The following YPEL2 variants were observed in gnomAD, a reference collection of about 807,000 sequenced individuals.
The protein encoded by YPEL2 is protein yippee-like 2.
A neutral mutation model predicts 19.1 loss-of-function variants in YPEL2; 2 were observed. That is an observed-to-expected ratio of 0.10 (90% CI 0.04 to 0.33). The LOEUF is 0.33. YPEL2 is among the 10% of genes least tolerant of loss of function. The probability of loss-of-function intolerance (pLI) is 1.00; values close to 1 mark genes in which losing one functional copy is unlikely to be tolerated. For synonymous variants in YPEL2, 52 were observed against 50.0 expected, an observed-to-expected ratio of 1.04 and a Z score of -0.17; for missense variants, 66 against 140.7, an observed-to-expected ratio of 0.47 and a Z score of 2.68.
At chr17:59,332,296 G>A (rs1439617500) in intron 1 of YPEL2, among the ~76,000 whole-genome samples, 2 of 152,174 alleles carry the variant, frequency 1.3e-5, no homozygotes, top group African/African-American at 4.8e-5. Context: ...CTTAGGTCCA[G>A]GGGCGCCGCC....
At chr17:59,389,543 C>A (rs937047509) in intron 4 of YPEL2, 75 bp downstream of exon 4, 1 of 1,169,138 alleles carries the variant, frequency 8.6e-7, no homozygotes, top group Non-Finnish European at 1.3e-6. Flanking sequence ...ACACTTTCTT[C>A]TACTCGCTTT....
At chr17:59,374,662 A>G (rs916030523) in intron 2 of YPEL2, among the ~76,000 whole-genome samples, 1 of 152,204 alleles carries the variant, frequency 6.6e-6, no homozygotes. Context: ...ACCTTTTAGT[A>G]TGAAATGAAA....
intron 2 of YPEL2, among the ~76,000 whole-genome samples, chr17:59,379,384 C>T (rs917717136): frequency 1.3e-5 from 2 of 152,186 alleles, no homozygotes; most frequent in Non-Finnish European, 1.5e-5. Flanking sequence ...GGAAAAAGGA[C>T]TGATCTGACC....
At position 59,353,103 on chromosome 17, in the gene YPEL2, C is replaced by T. The variant is rs2047795503; in HGVS notation, c.-195-112C>T. 1 of 232,054 alleles carries T rather than the reference C, an allele frequency of 4.3e-6. No individual in the cohort carries two copies. The highest frequency in any genetic ancestry group is 1.1e-4 in the South Asian group (1 of 9,144). The allele number at this position is 232,054 out of a possible 1,614,324, so 14.4% of individuals were successfully genotyped here. On this transcript the variant is annotated intron_variant, in intron 1 of 4. Transcript: ENST00000312655. This position sits in a 1 kb window ranked among gnomAD's most constrained non-coding sequence, Gnocchi z 4.8. ...TGATACCAGGAACAGAGAAGTGGGT[C>T]ATTTGATCCTGTCAGTGTTGCCTTC...
chr17:59,334,571 A>AC (rs1555568490), intron 1 of YPEL2, among the ~76,000 whole-genome samples: 14 of 145,228 alleles, frequency 9.6e-5, no homozygotes, highest in African/African-American at 2.6e-4. Context: ...TTCAGGCACA[A>AC]ACACACACAC....
At chr17:59,369,864 A>T (rs768217218) in intron 2 of YPEL2, among the ~76,000 whole-genome samples, 3 of 152,198 alleles carry the variant, frequency 2.0e-5, no homozygotes, top group African/African-American at 7.2e-5. Flanking sequence ...AACAATAGCC[A>T]TCATTTTACT....
intron 1 of YPEL2, among the ~76,000 whole-genome samples, chr17:59,349,395 G>C (rs1399019078): frequency 7.9e-6 from 1 of 127,022 alleles, no homozygotes; most frequent in Admixed American, 1.0e-4. Flanking sequence ...ACGGAGTCTC[G>C]CTCTGTCGTC....
At chr17:59,384,091 T>C (rs904865458) in intron 2 of YPEL2, among the ~76,000 whole-genome samples, 3 of 152,240 alleles carry the variant, frequency 2.0e-5, no homozygotes, top group African/African-American at 7.2e-5. Flanking sequence ...TTCCAGTTGC[T>C]ACACATTCAT....
chr17:59,394,964 C>G (rs2048031037), intron 4 of YPEL2, among the ~76,000 whole-genome samples: 1 of 152,248 alleles, frequency 6.6e-6, no homozygotes, highest in African/African-American at 2.4e-5. Flanking sequence ...CGGCACGCGC[C>G]TGCAATCGCA....
In YPEL2 at chr17:59,400,529, A is replaced by G. The variant is rs1457440858; in HGVS notation, c.*3339A>G. ...GTCTCTATCACTTTAATCTGGATCA[A>G]GGCTTTGAAGCAATGCCTCTCTGCA... is the stretch of plus-strand genomic sequence containing the variant. On this transcript the variant is annotated 3_prime_UTR_variant, in exon 5 of 5. Transcript: ENST00000312655. 1 of 152,040 alleles carries G rather than the reference A, an allele frequency of 6.6e-6. No individual in the cohort carries two copies. The highest frequency in any genetic ancestry group is 1.5e-5 in the Non-Finnish European group (1 of 67,974). 9.4% of individuals were successfully genotyped at this position (152,040 alleles called of 1,614,324 possible).
chr17:59,400,312 T>G lies in YPEL2; in HGVS notation c.*3122T>G, dbSNP rs528791656. ...AGTGGATATATATAAAAGAAACAGT[T>G]GCTTGTAAAATATACTTTTGTAAAT... On this transcript the variant is annotated 3_prime_UTR_variant, in exon 5 of 5. Coordinates refer to ENST00000312655, the MANE Select transcript of YPEL2 (RefSeq NM_001005404.4). The G allele has an allele frequency of 8.5e-5, 13 of 152,736 alleles. No individual in the cohort carries two copies. The highest frequency in any genetic ancestry group is 2.6e-4 in the African/African-American group (11 of 41,578). 9.5% of individuals were successfully genotyped at this position (152,736 alleles called of 1,614,324 possible).
At chr17:59,378,832 A>T (rs896516613) in intron 2 of YPEL2, among the ~76,000 whole-genome samples, 7 of 152,118 alleles carry the variant, frequency 4.6e-5, no homozygotes, top group Admixed American at 1.3e-4. Flanking sequence ...GAGTGCTTGG[A>T]GACTACCATA....
At position 59,389,605 on chromosome 17, in the gene YPEL2, C is replaced by T. The variant is rs560171155; in HGVS notation, c.270+137C>T. The T allele has an allele frequency of 2.0e-5, 13 of 658,622 alleles. No homozygotes were observed. The Admixed American group carries it at 2.4e-4, about 12-fold the overall frequency. The allele number at this position is 658,622 out of a possible 1,614,324, so 40.8% of individuals were successfully genotyped here. ...CCAGAATAGTCACCTGTCTACCACA[C>T]TCATTCTTTCCTTTCTGCTGATATA... is the stretch of plus-strand genomic sequence containing the variant. On this transcript the variant is annotated intron_variant, in intron 4 of 4. Transcript: ENST00000312655.
intron 2 of YPEL2, chr17:59,354,841 T>G (rs1049272577): frequency 2.6e-5 from 4 of 152,234 alleles, no homozygotes; most frequent in Admixed American, 2.6e-4. Flanking sequence ...CAGCTTCCCT[T>G]CGAATTTTGG....
At chr17:59,342,037 C>G (rs2047734041) in intron 1 of YPEL2, among the ~76,000 whole-genome samples, 1 of 152,200 alleles carries the variant, frequency 6.6e-6, no homozygotes, top group African/African-American at 2.4e-5. Context: ...TTAAAAAGTT[C>G]AATTTCCAAA....
rs529186361 is a variant in YPEL2, at chr17:59,370,939, GT to G, written c.118-17381del. Among the ~76,000 whole-genome samples, 219 of 152,078 alleles carry G rather than the reference GT, an allele frequency of 1.4e-3. 2 individuals are homozygous for G. Among genetic ancestry groups the G allele is most frequent in the South Asian group, 7.1e-3 (34 of 4,806 alleles). Reference sequence around the variant, plus strand: ...TGACCCTGTGCAGTGGCCCTTTTTTGTTTTTTTGTTTTTGTTTTATTTTCCC... The same window carrying G: ...TGACCCTGTGCAGTGGCCCTTTTTTGTTTTTTGTTTTTGTTTTATTTTCCC... On this transcript the variant is annotated intron_variant, in intron 2 of 4. Transcript: ENST00000312655.
chr17:59,340,183 C>T (rs907885354), intron 1 of YPEL2, among the ~76,000 whole-genome samples: 6 of 151,786 alleles, frequency 4.0e-5, no homozygotes, highest in Admixed American at 1.3e-4. Context: ...TCTCAGCTCA[C>T]TGCAATCTCC....
intron 2 of YPEL2, among the ~76,000 whole-genome samples, chr17:59,386,329 G>GA (rs143569698): frequency 0.011 from 1,554 of 145,902 alleles, 27 homozygotes; most frequent in African/African-American, 0.036. Flanking sequence ...TCTCTTGGGG[G>GA]AAAAAAAAAA....
chr17:59,385,299 G>C (rs867535898), intron 2 of YPEL2, among the ~76,000 whole-genome samples: 2 of 152,264 alleles, frequency 1.3e-5, no homozygotes, highest in Admixed American at 6.5e-5. Flanking sequence ...ACTGGACGCA[G>C]TGACTCACAT....
Sources: gnomAD v4.1 joint callset for allele counts (sites outside exome capture counted in the v4.1 genomes callset) on GRCh38, gnomAD v4.1.1 for gene constraint, Gnocchi (gnomAD v3.1) non-coding constraint, MANE v1.5 for transcripts, NCBI Gene and HGNC (gene_info 2026-07-23, HGNC 2026-07-21) for gene names.